The following CEP128 variants were observed in gnomAD, a reference collection of about 807,000 sequenced individuals.
CEP128 encodes centrosomal protein 128.
Under a neutral mutation model 156.7 loss-of-function variants are expected in CEP128, and 132 were observed. The ratio of observed to expected loss-of-function variants is 0.84; its 90% CI spans 0.73 to 0.97. CEP128 has a LOEUF of 0.97. Ranked by LOEUF, CEP128 falls within the 50% of genes least tolerant of loss-of-function variation. The probability of loss-of-function intolerance (pLI) is 0.00; values close to 1 mark genes in which losing one functional copy is unlikely to be tolerated. For missense variants in CEP128, 1,252 were observed against 1,281.9 expected, an observed-to-expected ratio of 0.98 and a Z score of 0.36; for synonymous variants, 469 against 448.9, an observed-to-expected ratio of 1.04 and a Z score of -0.57.
upstream of CEP128, among the ~76,000 whole-genome samples, chr14:80,943,079 T>G (rs1233628383): frequency 1.3e-5 from 2 of 152,198 alleles, no homozygotes; most frequent in Non-Finnish European, 1.5e-5. Flanking sequence ...GCCATAAAAT[T>G]GCCCCATATA....
At chr14:80,932,679 ACTGACTC>A (rs1885536349) in intron 2 of CEP128, among the ~76,000 whole-genome samples, 1 of 152,172 alleles carries the variant, frequency 6.6e-6, no homozygotes, top group Non-Finnish European at 1.5e-5. Flanking sequence ...CAGGGCTCCC[ACTGACTC>A]TATGGTGAGT....
intron 23 of CEP128, among the ~76,000 whole-genome samples, chr14:80,509,882 G>A (rs1054935519): frequency 6.6e-6 from 1 of 152,110 alleles, no homozygotes; most frequent in African/African-American, 2.4e-5. Flanking sequence ...CAAAGAGACT[G>A]TCTTTTCCCC....
intron 19 of CEP128, among the ~76,000 whole-genome samples, chr14:80,652,561 G>A (rs112811884): frequency 0.027 from 4,162 of 152,038 alleles, 174 homozygotes; most frequent in East Asian, 0.1. Flanking sequence ...AAAAGAAGAC[G>A]TTTATGCAGC....
chr14:80,903,552 A>T (rs1025883646), intron 6 of CEP128, among the ~76,000 whole-genome samples: 1 of 152,100 alleles, frequency 6.6e-6, no homozygotes, highest in Non-Finnish European at 1.5e-5. Context: ...CAATTAATAA[A>T]GTGAAGAGAC....
intron 16 of CEP128, among the ~76,000 whole-genome samples, chr14:80,766,342 C>T (rs926726069): frequency 6.6e-6 from 1 of 152,150 alleles, no homozygotes; most frequent in African/African-American, 2.4e-5. Flanking sequence ...TAAACACACA[C>T]ACACATTCTG....
intron 21 of CEP128, among the ~76,000 whole-genome samples, chr14:80,547,866 T>G (rs2140329990): frequency 6.6e-6 from 1 of 151,656 alleles, no homozygotes; most frequent in Admixed American, 6.6e-5. Flanking sequence ...TGGCACGATC[T>G]CAGCTCACTG....
At chr14:80,676,633 A>G (rs760210959) in intron 19 of CEP128, among the ~76,000 whole-genome samples, 1 of 152,136 alleles carries the variant, frequency 6.6e-6, no homozygotes, top group Non-Finnish European at 1.5e-5. Context: ...TTAATTTTTT[A>G]AATGCTAGTA....
chr14:80,495,505 A>G (rs1257603101), downstream of CEP128, among the ~76,000 whole-genome samples: 1 of 152,130 alleles, frequency 6.6e-6, no homozygotes, highest in Non-Finnish European at 1.5e-5. Context: ...AGCACAGAGC[A>G]TTCAATAACA....
At chr14:80,848,711 A>G (rs1452920581) in intron 9 of CEP128, among the ~76,000 whole-genome samples, 1 of 151,800 alleles carries the variant, frequency 6.6e-6, no homozygotes, top group East Asian at 1.9e-4. Context: ...AAAGAAAATT[A>G]GGGTGAGAGG....
chr14:80,923,813 T>C (rs1885005929), intron 2 of CEP128, among the ~76,000 whole-genome samples: 1 of 152,206 alleles, frequency 6.6e-6, no homozygotes, highest in Non-Finnish European at 1.5e-5. Flanking sequence ...TCTTAAATTG[T>C]AATCCCCATA....
At chr14:80,916,293 G>A in intron 3 of CEP128, 108 bp downstream of exon 3, 1 of 873,078 alleles carries the variant, frequency 1.1e-6, no homozygotes, top group South Asian at 1.6e-5. Flanking sequence ...TAAGACATTA[G>A]CTTTGCAGTA....
intron 11 of CEP128, among the ~76,000 whole-genome samples, chr14:80,837,007 G>A (rs188418312): frequency 2.0e-5 from 3 of 152,244 alleles, no homozygotes; most frequent in African/African-American, 4.8e-5. Context: ...AAATCAGAAC[G>A]GAATTAAATA....
At chr14:80,537,935 G>T (rs1889561555) in intron 21 of CEP128, among the ~76,000 whole-genome samples, 1 of 152,062 alleles carries the variant, frequency 6.6e-6, no homozygotes, top group African/African-American at 2.4e-5. Flanking sequence ...TGTGATTTTG[G>T]GAATATGACT....
At position 80,914,340 on chromosome 14, in the gene CEP128, C is replaced by G; in HGVS notation, c.216G>C (p.Gln72His). ...LGRYREYSNG[Q>H]AGAIEHLKES... ...TTCTCACATGTTCTATCGCACCCGC[C>G]TGTCCATTACTGTATTCTCGGTATC... The change falls in exon 4 of 25, where the codon CAG becomes CAC. Residue 72 changes from glutamine to histidine, a missense_variant. By Grantham distance (24) the Gln-to-His change is conservative. Coordinates refer to ENST00000555265, the MANE Select transcript of CEP128 (RefSeq NM_152446.5). 1 of 1,613,546 alleles carries G rather than the reference C, an allele frequency of 6.2e-7. No homozygotes were observed. The highest frequency in any genetic ancestry group is 8.5e-7 in the Non-Finnish European group (1 of 1,179,544).
chr14:80,634,488 G>T lies in CEP128; in HGVS notation c.2807-54065C>A, dbSNP rs189489990. 4.8e-4 allele frequency among the ~76,000 whole-genome samples: 30 copies of T among 62,270 alleles called. No individual in the cohort carries two copies. The East Asian group carries it at 0.012, about 25-fold the overall frequency. 40.9% of individuals were successfully genotyped at this position (62,270 alleles called of 152,430 possible). Reference sequence around the variant, plus strand: ...GAGACACAGGTAGAAAACAAGAAAAGCAAAGTAATATTTTTGAATATATTT... The same window carrying T: ...GAGACACAGGTAGAAAACAAGAAAATCAAAGTAATATTTTTGAATATATTT... On this transcript the variant is annotated intron_variant, in intron 19 of 24. Coordinates refer to ENST00000555265, the MANE Select transcript of CEP128 (RefSeq NM_152446.5).
At chr14:80,483,012 A>G (rs555643681) in intron 14 of CEP128, among the ~76,000 whole-genome samples, 17 of 152,330 alleles carry the variant, frequency 1.1e-4, no homozygotes, top group African/African-American at 3.8e-4. Context: ...TGGCAGGTCG[A>G]GAAAGCTCAG....
intron 13 of CEP128, among the ~76,000 whole-genome samples, chr14:80,823,995 T>C (rs1235426598): frequency 6.6e-6 from 1 of 152,268 alleles, no homozygotes; most frequent in African/African-American, 2.4e-5. Flanking sequence ...GGCATTTGCA[T>C]ACATCCTCTG....
At chr14:80,688,588 C>T (rs557359919) in intron 19 of CEP128, among the ~76,000 whole-genome samples, 1 of 152,280 alleles carries the variant, frequency 6.6e-6, no homozygotes, top group African/African-American at 2.4e-5. Context: ...GCATAATTTT[C>T]CCCAATTGTT....
chr14:80,505,299 T>C (rs1887922620), intron 23 of CEP128, among the ~76,000 whole-genome samples: 1 of 152,236 alleles, frequency 6.6e-6, no homozygotes, highest in Non-Finnish European at 1.5e-5. Flanking sequence ...AACTTAAACT[T>C]ATGCTATAAA....
Sources: gnomAD v4.1 joint callset for allele counts (sites outside exome capture counted in the v4.1 genomes callset) on GRCh38, gnomAD v4.1.1 for gene constraint, MANE v1.5 for transcripts, NCBI Gene and HGNC (gene_info 2026-07-23, HGNC 2026-07-21) for gene names.